Variants in RBFOX1 observed in about 807,000 individuals in gnomAD.
The protein encoded by RBFOX1 is RNA binding fox-1 homolog 1.
Under a neutral mutation model 57.7 loss-of-function variants are expected in RBFOX1, and 8 were observed. The observed-to-expected ratio is 0.14, with a 90% CI of 0.08 to 0.25. The LOEUF is 0.25. Among genes scored for constraint, RBFOX1 ranks in the 10% least tolerant of loss-of-function variants. The pLI is 1.00. For synonymous variants in RBFOX1, 326 were observed against 222.4 expected, an observed-to-expected ratio of 1.47 and a Z score of -4.15; for missense variants, 611 against 548.5, an observed-to-expected ratio of 1.11 and a Z score of -1.14.
chr16:6,018,936 C>T (rs1247318525), upstream of RBFOX1, among the ~76,000 whole-genome samples: 1 of 151,870 alleles, frequency 6.6e-6, no homozygotes, highest in Non-Finnish European at 1.5e-5. Flanking sequence ...CCGCCGCCGC[C>T]GCCCGCTGGA....
intron 3 of RBFOX1, among the ~76,000 whole-genome samples, chr16:6,753,819 T>G (rs1373701434): frequency 6.6e-6 from 1 of 152,116 alleles, no homozygotes; most frequent in Non-Finnish European, 1.5e-5. Context: ...CTACATTGAT[T>G]GAGTTTCCTG....
intron 4 of RBFOX1, among the ~76,000 whole-genome samples, chr16:7,485,617 T>G (rs760311580): frequency 1.3e-5 from 2 of 152,186 alleles, no homozygotes; most frequent in Non-Finnish European, 2.9e-5. Flanking sequence ...ACCTCAAGAT[T>G]ATAAAGAGAG....
intron 3 of RBFOX1, among the ~76,000 whole-genome samples, chr16:5,850,852 A>T (rs2056878184): frequency 1.3e-5 from 2 of 152,214 alleles, no homozygotes; most frequent in Non-Finnish European, 2.9e-5. Flanking sequence ...GCAGGCAGGG[A>T]GACAGGCAGC....
intron 4 of RBFOX1, among the ~76,000 whole-genome samples, chr16:7,314,463 G>T (rs756038420): frequency 6.6e-6 from 1 of 152,120 alleles, no homozygotes; most frequent in African/African-American, 2.4e-5. Flanking sequence ...GCCTGTGTGC[G>T]GTTGTGTATG....
chr16:5,804,177 C>T (rs1286515260), intron 3 of RBFOX1, among the ~76,000 whole-genome samples: 3 of 152,158 alleles, frequency 2.0e-5, no homozygotes, highest in African/African-American at 2.4e-5. Flanking sequence ...AAGCATATTG[C>T]TTGAAACTGT....
At chr16:5,904,683 A>T (rs2058401595) in intron 4 of RBFOX1, among the ~76,000 whole-genome samples, 1 of 152,092 alleles carries the variant, frequency 6.6e-6, no homozygotes, top group African/African-American at 2.4e-5. Flanking sequence ...CATCTTGAAG[A>T]GATAATCAGA....
intron 4 of RBFOX1, among the ~76,000 whole-genome samples, chr16:5,981,626 G>T (rs2060174838): frequency 6.6e-6 from 1 of 151,978 alleles, no homozygotes; most frequent in Non-Finnish European, 1.5e-5. Flanking sequence ...CCACTATCAG[G>T]CTGGGCCAAT....
chr16:6,302,052 A>T (rs192830958), intron 1 of RBFOX1, among the ~76,000 whole-genome samples: 4 of 152,280 alleles, frequency 2.6e-5, no homozygotes, highest in Admixed American at 2.6e-4. Flanking sequence ...CGTCATGACA[A>T]GACCGGAGAT....
intron 5 of RBFOX1, among the ~76,000 whole-genome samples, chr16:7,564,511 A>C (rs1371001787): frequency 1.5e-5 from 2 of 132,476 alleles, no homozygotes; most frequent in African/African-American, 5.8e-5. Context: ...TCTGCACTCC[A>C]GCCTGGCTGA....
At chr16:6,282,877 A>T (rs2152702978) in intron 1 of RBFOX1, among the ~76,000 whole-genome samples, 1 of 152,308 alleles carries the variant, frequency 6.6e-6, no homozygotes, top group East Asian at 1.9e-4. Context: ...TACTTCATTA[A>T]GTACTTTGCA....
intron 4 of RBFOX1, among the ~76,000 whole-genome samples, chr16:5,996,855 G>A (rs1425251694): frequency 6.6e-6 from 1 of 151,996 alleles, no homozygotes. Flanking sequence ...CAGAGGAAAA[G>A]AAACCCACTG....
intron 1 of RBFOX1, among the ~76,000 whole-genome samples, chr16:6,166,442 C>T (rs987021179): frequency 2.0e-5 from 3 of 150,618 alleles, no homozygotes; most frequent in African/African-American, 7.3e-5. Context: ...ATCAAGGTGT[C>T]TCTCTCTTTC....
chr16:6,232,834 A>G lies in RBFOX1; in HGVS notation c.-126-84161A>G, dbSNP rs145056051. ...GAATTGCTGGTGAAGCTGGGTCCCT[A>G]TGTGTTTGCAGGTCTGTTTAGTAGA... On this transcript the variant is annotated intron_variant, in intron 1 of 15. Transcript: ENST00000550418. 2.2e-3 allele frequency among the ~76,000 whole-genome samples: 338 copies of G among 152,186 alleles called. 8 individuals are homozygous for G. The highest frequency in any genetic ancestry group is 0.016 in the Admixed American group (249 of 15,288).
intron 2 of RBFOX1, among the ~76,000 whole-genome samples, chr16:5,510,282 G>A (rs72761054): frequency 8.5e-5 from 13 of 152,320 alleles, no homozygotes; most frequent in Admixed American, 5.9e-4. Flanking sequence ...TGTGAGTTGC[G>A]TGGGGTTCAG....
In RBFOX1 at chr16:5,454,894, C is replaced by G. The variant is rs1355676987; in HGVS notation, c.220-12322C>G. Among the ~76,000 whole-genome samples the G allele has an allele frequency of 8.5e-4, 72 of 84,906 alleles. No individual in the cohort carries two copies. The South Asian group carries it at 9.2e-3, about 11-fold the overall frequency. 55.7% of individuals were successfully genotyped at this position (84,906 alleles called of 152,430 possible). On this transcript the variant is annotated intron_variant, in intron 1 of 2. Transcript: ENST00000585867. Reference sequence around the variant, plus strand: ...TCTTTCTTTCTTTCTTTCTTTCTTTCTTTCTTTCTTTCTTTCTTTCCTTTG... The same window carrying G: ...TCTTTCTTTCTTTCTTTCTTTCTTTGTTTCTTTCTTTCTTTCTTTCCTTTG...
chr16:5,879,584 C>T (rs915364352), intron 4 of RBFOX1, among the ~76,000 whole-genome samples: 2 of 152,164 alleles, frequency 1.3e-5, no homozygotes, highest in Admixed American at 6.5e-5. Flanking sequence ...CCTCTTTTGG[C>T]CTCCCAAAGT....
In RBFOX1 at chr16:5,947,887, G is replaced by T. The variant is rs1457333363; in HGVS notation, c.351+80552G>T. Reference sequence around the variant, plus strand: ...CGGGCCACCCGTAACGGGAGTTTATGTAATTATTAGTTTGAATGGCTCTGC... The same window carrying T: ...CGGGCCACCCGTAACGGGAGTTTATTTAATTATTAGTTTGAATGGCTCTGC... On this transcript the variant is annotated intron_variant, in intron 4 of 19. Transcript: ENST00000641259. The surrounding 1 kb of genome is among the most constrained non-coding windows in gnomAD (Gnocchi z 7.2). Among the ~76,000 whole-genome samples the T allele has an allele frequency of 6.6e-6, 1 of 152,194 alleles. No homozygotes were observed. Among genetic ancestry groups the T allele is most frequent in the Non-Finnish European group, 1.5e-5 (1 of 68,046 alleles).
At chr16:6,929,700 C>T (rs191997592) in intron 3 of RBFOX1, among the ~76,000 whole-genome samples, 4 of 146,228 alleles carry the variant, frequency 2.7e-5, no homozygotes, top group Admixed American at 1.4e-4. Flanking sequence ...TGTGTTACTA[C>T]GGGGTTATTT....
intron 3 of RBFOX1, among the ~76,000 whole-genome samples, chr16:7,003,329 G>C (rs2153637661): frequency 6.6e-6 from 1 of 152,092 alleles, no homozygotes; most frequent in East Asian, 1.9e-4. Flanking sequence ...GCGTGATGGT[G>C]AGCACTTGTA....
Sources: gnomAD v4.1 joint callset for allele counts (sites outside exome capture counted in the v4.1 genomes callset) on GRCh38, gnomAD v4.1.1 for gene constraint, Gnocchi (gnomAD v3.1) non-coding constraint, MANE v1.5 for transcripts, NCBI Gene and HGNC (gene_info 2026-07-23, HGNC 2026-07-21) for gene names.